The following ATRX variants were observed in gnomAD, a reference collection of about 807,000 sequenced individuals.
The protein encoded by ATRX is ATRX chromatin remodeler, also known as chromatin remodeler ATRX.
In ATRX, 12 loss-of-function variants were observed where a neutral mutation model predicts 172.6. The ratio of observed to expected loss-of-function variants is 0.07; its 90% CI spans 0.04 to 0.11. The LOEUF (loss-of-function observed/expected upper bound fraction) is 0.11. Ranked by LOEUF, ATRX falls within the 10% of genes least tolerant of loss-of-function variation. The pLI, the probability that ATRX is intolerant of heterozygous loss-of-function variation, is 1.00. For missense variants in ATRX, 1,368 were observed against 1,767.4 expected (o/e 0.77, Z 4.05); for synonymous variants, 674 against 594.7 (o/e 1.13, Z -1.94).
intron 1 of ATRX, among the ~76,000 whole-genome samples, chrX:77,766,290 C>G (rs1425218111): frequency 5.4e-5 from 6 of 110,416 alleles, no homozygotes; most frequent in Non-Finnish European, 1.1e-4. Flanking sequence ...CCCTCACCTC[C>G]CCGACGGGGC....
intron 1 of ATRX, among the ~76,000 whole-genome samples, chrX:77,774,346 C>T (rs182992194): frequency 1.8e-5 from 2 of 111,231 alleles, no homozygotes; most frequent in East Asian, 2.8e-4. Context: ...TGTCATGAAG[C>T]AATTGGTAAA....
rs2062703535 is a variant in ATRX at position 77,506,231 on chromosome X, T to A, written c.*2120A>T. ...GTATTTTACTGACGTGATTTTTTTG[T>A]CTTTAAATATTTGTTAAAGCTTGAT... On this transcript the variant is annotated 3_prime_UTR_variant, in exon 35 of 35. Coordinates refer to ENST00000373344, the MANE Select transcript of ATRX (RefSeq NM_000489.6). The A allele has an allele frequency of 2.3e-5, 4 of 171,123 alleles. No individual in the cohort carries two copies. The South Asian group carries it at 1.3e-3, about 54-fold the overall frequency. The allele number at this position is 171,123 out of a possible 1,213,427, so 14.1% of individuals were successfully genotyped here. A position where few individuals can be genotyped will look rare whatever the true frequency, so the allele number is the denominator to read the frequency against.
intron 34 of ATRX, among the ~76,000 whole-genome samples, chrX:77,514,641 A>G (rs2062991528): frequency 1.8e-5 from 2 of 112,412 alleles, no homozygotes; most frequent in South Asian, 7.4e-4. Flanking sequence ...TGTAAACCCG[A>G]AAACTATAAA....
chrX:77,583,565 T>C (rs2065904526), intron 27 of ATRX, among the ~76,000 whole-genome samples: 2 of 110,350 alleles, frequency 1.8e-5, no homozygotes, highest in African/African-American at 3.3e-5. Flanking sequence ...TTTCAATTCA[T>C]GGTAAGAAAG....
intron 25 of ATRX, among the ~76,000 whole-genome samples, chrX:77,597,770 T>C (rs2066519142): frequency 9.0e-6 from 1 of 111,683 alleles, no homozygotes; most frequent in Admixed American, 9.5e-5. Context: ...TCAGAATGGC[T>C]ATTATTAAAA....
chrX:77,737,696 C>G lies in ATRX; in HGVS notation c.21-20453G>C, dbSNP rs534128887. On this transcript the variant is annotated intron_variant, in intron 1 of 34. Transcript: ENST00000373344. ...TGATTAGTACACATTTCATGCCTGT[C>G]TCAGAATCTCATAAATCCCATAAAT... Among the ~76,000 whole-genome samples, 3 of 110,558 alleles carry G rather than the reference C, an allele frequency of 2.7e-5. No individual in the cohort carries two copies. In the South Asian group the frequency reaches 1.2e-3, roughly 43 times the overall value.
At chrX:77,629,593 C>G (rs1240630545) in intron 19 of ATRX, among the ~76,000 whole-genome samples, 2 of 111,982 alleles carry the variant, frequency 1.8e-5, no homozygotes, top group African/African-American at 6.5e-5. Flanking sequence ...GAAGAACATC[C>G]AGTAAAACCT....
chrX:77,652,628 C>T (rs1557117712), intron 14 of ATRX, among the ~76,000 whole-genome samples: 2 of 106,464 alleles, frequency 1.9e-5, no homozygotes, highest in African/African-American at 6.9e-5. Flanking sequence ...GGTGAAACCC[C>T]GTCTCTACTA....
chrX:77,777,527 G>A (rs1037231996), intron 1 of ATRX, among the ~76,000 whole-genome samples: 2 of 111,896 alleles, frequency 1.8e-5, no homozygotes, highest in Non-Finnish European at 3.8e-5. Flanking sequence ...AAATTTTGTC[G>A]TATGCTTCAA....
intron 2 of ATRX, among the ~76,000 whole-genome samples, chrX:77,702,730 A>AT (rs781893491): frequency 1.2e-3 from 128 of 108,557 alleles, no homozygotes; most frequent in South Asian, 5.5e-3. Context: ...AGAAGATAAC[A>AT]TTTTTTTTTT....
chrX:77,590,381 C>T (rs989120657), intron 26 of ATRX, among the ~76,000 whole-genome samples: 4 of 110,332 alleles, frequency 3.6e-5, no homozygotes, highest in Admixed American at 2.9e-4. Flanking sequence ...GAGACCGAGA[C>T]GGGTGGATCA....
chrX:77,624,441 G>A (rs2067734603), intron 19 of ATRX, among the ~76,000 whole-genome samples: 1 of 111,452 alleles, frequency 9.0e-6, no homozygotes, highest in Non-Finnish European at 1.9e-5. Context: ...AACTGTCCCT[G>A]TTTGCTGACG....
chrX:77,734,856 A>C (rs1225205732), intron 1 of ATRX, among the ~76,000 whole-genome samples: 1 of 110,336 alleles, frequency 9.1e-6, no homozygotes, highest in Non-Finnish European at 1.9e-5. Context: ...CACGCCTGTA[A>C]TCCCAGTAAT....
rs3027548 is a variant in ATRX, at chrX:77,598,662, G to T, written c.5956+749C>A. Among the ~76,000 whole-genome samples the T allele has an allele frequency of 6.3e-5, 7 of 111,456 alleles. No individual in the cohort carries two copies. In the Admixed American group the frequency reaches 6.7e-4, roughly 11 times the overall value. ...CATAATCTGCTATTTCAAATAGGCA[G>T]ACATTTGGTCCCAGTTTTTAAGCTC... On this transcript the variant is annotated intron_variant, in intron 25 of 34. Transcript: ENST00000373344.
chrX:77,783,370 C>T (rs1217466351), intron 1 of ATRX, among the ~76,000 whole-genome samples: 3 of 112,028 alleles, frequency 2.7e-5, no homozygotes, highest in Non-Finnish European at 5.6e-5. Flanking sequence ...TTTCAAACAA[C>T]ACAAACAACC....
intron 15 of ATRX, among the ~76,000 whole-genome samples, chrX:77,637,006 G>C (rs781982730): frequency 2.8e-5 from 3 of 105,268 alleles, no homozygotes; most frequent in African/African-American, 1.0e-4. Flanking sequence ...GGAGGAAGGA[G>C]GAAGAAGGAG....
chrX:77,664,525 A>T (rs1200820695), intron 11 of ATRX, 120 bp downstream of exon 11: 2 of 986,617 alleles, frequency 2.0e-6, no homozygotes, highest in African/African-American at 1.9e-5. Context: ...TCCTGAGATT[A>T]TAGGCGTGAG....
chrX:77,781,290 CAATT>C (rs1383965947), intron 1 of ATRX, among the ~76,000 whole-genome samples: 4 of 109,457 alleles, frequency 3.7e-5, no homozygotes, highest in Non-Finnish European at 7.6e-5. Context: ...AAAATACAAA[CAATT>C]AGCCGCACAT....
chrX:77,721,366 C>T (rs145778751), intron 1 of ATRX, among the ~76,000 whole-genome samples: 1,808 of 111,097 alleles, frequency 0.016, 39 homozygotes, highest in African/African-American at 0.056. Context: ...GTATTCAATC[C>T]GGAAAAGAGG....
Sources: gnomAD v4.1 joint callset for allele counts (sites outside exome capture counted in the v4.1 genomes callset) on GRCh38, gnomAD v4.1.1 for gene constraint, MANE v1.5 for transcripts, NCBI Gene and HGNC (gene_info 2026-07-23, HGNC 2026-07-21) for gene names.